ADAM33: variants seen among roughly 807,000 people sequenced by gnomAD.
ADAM33 encodes ADAM metallopeptidase domain 33, also known as disintegrin and metalloproteinase domain-containing protein 33.
In ADAM33, 103 loss-of-function variants were observed where a neutral mutation model predicts 106.2. The ratio of observed to expected loss-of-function variants is 0.97; its 90% confidence interval spans 0.83 to 1.14. The LOEUF (loss-of-function observed/expected upper bound fraction) is 1.14, where lower values mean the gene tolerates loss of function less well. Among genes scored for constraint, ADAM33 ranks in the 50% most tolerant of loss-of-function variants. The probability of loss-of-function intolerance (pLI) is 0.00; values close to 1 mark genes in which losing one functional copy is unlikely to be tolerated. For synonymous variants in ADAM33, 483 were observed against 453.0 expected (o/e 1.07, Z -0.84); for missense variants, 1,120 against 1,096.6 (o/e 1.02, Z -0.30).
At position 3,673,410 on chromosome 20, in the gene ADAM33, GC is replaced by G; in HGVS notation, c.1076del (p.Gly359AlafsTer110). 1 of 1,559,466 alleles carries G rather than the reference GC, an allele frequency of 6.4e-7. No homozygotes were observed. Among genetic ancestry groups the G allele is most frequent in the Non-Finnish European group, 8.6e-7 (1 of 1,159,632 alleles). ...HSLGLSHDPD[G>X]CCVEAAAESG... is the part of the protein sequence containing the mutation. ...ACTCGGCCGCAGCCTCCACGCAGCAGCCGTCGGGGTCGTGGCTGAGGCCGAG... is the reference window on the plus strand; with the variant it reads ...ACTCGGCCGCAGCCTCCACGCAGCAGCGTCGGGGTCGTGGCTGAGGCCGAG... On this transcript the variant is annotated frameshift_variant, in exon 11 of 22. Transcript: ENST00000356518. LOFTEE classifies it high-confidence loss of function.
At position 3,671,672 on chromosome 20, in the gene ADAM33, G is replaced by A; in HGVS notation, c.1814C>T (p.Thr605Ile). The A allele has an allele frequency of 6.3e-7, 1 of 1,584,202 alleles. No homozygotes were observed. The highest frequency in any genetic ancestry group is 8.6e-7 in the Non-Finnish European group (1 of 1,164,690). The part of the protein sequence containing the change: ...STVHLDGQEV[T>I]CRGALALPSA... ...GGGGAGTGCCAAGGCTCCCCGACAA[G>A]TCACTTCCTGGCCATCTAGGTGAAC... is the stretch of plus-strand genomic sequence containing the variant. Residue 605 changes from threonine to isoleucine, a missense_variant, in exon 16 of 22, where the codon ACT (threonine) becomes ATT (isoleucine). Coordinates refer to ENST00000356518, the MANE Select transcript of ADAM33 (RefSeq NM_025220.5).
In ADAM33 at chr20:3,669,222, G is replaced by A. The variant is rs1033035267; in HGVS notation, c.2404+77C>T. The A allele has an allele frequency of 1.4e-5, 18 of 1,281,284 alleles. No homozygotes were observed. The African/African-American group carries it at 1.8e-4, about 13-fold the overall frequency. The allele number at this position is 1,281,284 out of a possible 1,614,324, so 79.4% of individuals were successfully genotyped here. On this transcript the variant is annotated intron_variant, in intron 21 of 21. Transcript: ENST00000356518. ...CTGAGCCCAGAAACCTGATTAGGGG[G>A]CAGCAAACTGAGGGGTGGGAGAGGT...
intron 12 of ADAM33, 25 bp downstream of exon 12, chr20:3,672,696 T>A (rs752286683): frequency 6.3e-7 from 1 of 1,592,332 alleles, no homozygotes; most frequent in African/African-American, 1.3e-5. Context: ...AGAGGGCAAG[T>A]GGGGGCCGGG....
chr20:3,673,797 A>G lies in ADAM33; in HGVS notation c.853T>C (p.Trp285Arg). The change falls in exon 9 of 22, where the codon TGG (tryptophan) becomes CGG (arginine). Residue 285 changes from tryptophan (W) to arginine (R), a missense_variant. Trp to Arg is a moderately radical substitution (Grantham distance 101, BLOSUM62 -3). Transcript: ENST00000356518. Reference sequence around the variant, plus strand: ...CGCTGCGCCCACAGCCCCCGGCGCCACTGCAGGAAGGCCCAGAGCGTGGCG... The same window carrying G: ...CGCTGCGCCCACAGCCCCCGGCGCCGCTGCAGGAAGGCCCAGAGCGTGGCG... Reference protein sequence around the residue: ...ANATLWAFLQWRRGLWAQRPH... With the variant: ...ANATLWAFLQRRRGLWAQRPH... 2 of 1,539,820 alleles carry G rather than the reference A, an allele frequency of 1.3e-6. No individual in the cohort carries two copies. The highest frequency in any genetic ancestry group is 1.7e-6 in the Non-Finnish European group (2 of 1,148,940).
intron 1 of ADAM33, among the ~76,000 whole-genome samples, chr20:3,679,917 A>C (rs1285302851): frequency 6.6e-6 from 1 of 152,196 alleles, no homozygotes. Context: ...AGAGCGCGGC[A>C]GCCTTAGGGA....
intron 1 of ADAM33, 52 bp from the exon 2 acceptor site, chr20:3,679,623 A>C: frequency 6.6e-7 from 1 of 1,523,586 alleles, no homozygotes. Flanking sequence ...ACACAGGGGC[A>C]TGGGACAAAG....
intron 7 of ADAM33, 24 bp from the exon 8 acceptor site, chr20:3,674,159 G>A: frequency 6.2e-7 from 1 of 1,614,200 alleles, no homozygotes; most frequent in African/African-American, 1.3e-5. Context: ...AATCCCGGTG[G>A]CTTGAGGGGC....
At position 3,673,354 on chromosome 20, in the gene ADAM33, C is replaced by T. The variant is rs1467348268; in HGVS notation, c.1133G>A (p.Gly378Glu). 19 of 1,538,646 alleles carry T rather than the reference C, an allele frequency of 1.2e-5. No individual in the cohort carries two copies. In the Admixed American group the frequency reaches 3.5e-4, roughly 28 times the overall value. ...SGGCVMAAAT[G>E]HPFPRVFSAC... ...CAGCCCCGACCCCCCACCCGCGTAC[C>T]CGGTGGCCGCAGCCATGACGCAGCC... The change falls in exon 11 of 22, where the codon GGG (glycine) becomes GAG (glutamate). Residue 378 changes from glycine (G) to glutamate (E), a missense_variant and splice_region_variant. Coordinates refer to ENST00000356518, the MANE Select transcript of ADAM33 (RefSeq NM_025220.5).
In ADAM33 at chr20:3,672,251, G is replaced by A; in HGVS notation, c.1480C>T (p.His494Tyr). Residue 494 changes from histidine (H) to tyrosine (Y), a missense_variant, in exon 14 of 22, where the codon CAC becomes TAC. By Grantham distance (83) the His-to-Tyr change is moderately conservative. Coordinates refer to ENST00000356518, the MANE Select transcript of ADAM33 (RefSeq NM_025220.5). The stretch of plus-strand genomic sequence containing the variant: ...AGTAGGTAAACGTCTGGGGGACAGT[G>A]GGAGGAGGTGCCCGTGCAAAACTCA... The part of the protein sequence containing the change: ...LPEFCTGTSS[H>Y]CPPDVYLLDG... 1 of 1,613,422 alleles carries A rather than the reference G, an allele frequency of 6.2e-7. No homozygotes were observed. The highest frequency in any genetic ancestry group is 8.5e-7 in the Non-Finnish European group (1 of 1,180,024).
In ADAM33 at chr20:3,673,446, G is replaced by T. The variant is rs780563935; in HGVS notation, c.1041C>A (p.Ile347=). The T allele has an allele frequency of 1.9e-6, 3 of 1,578,462 alleles. No individual in the cohort carries two copies. The highest frequency in any genetic ancestry group is 2.6e-6 in the Non-Finnish European group (3 of 1,167,966). The change falls in exon 11 of 22, where the codon ATC becomes ATA. Residue 347 remains isoleucine, a synonymous_variant. Coordinates refer to ENST00000356518, the MANE Select transcript of ADAM33 (RefSeq NM_025220.5). ...IGAAATMAHE[I]GHSLGLSHDP... Reference sequence around the variant, plus strand: ...CGTGGCTGAGGCCGAGGCTGTGGCCGATCTCATGGGCCATGGTGGCTGCGG... The same window carrying T: ...CGTGGCTGAGGCCGAGGCTGTGGCCTATCTCATGGGCCATGGTGGCTGCGG...
At chr20:3,669,518 C>T (rs2087388778) in intron 20 of ADAM33, 28 bp downstream of exon 20, 4 of 1,556,268 alleles carry the variant, frequency 2.6e-6, no homozygotes, top group African/African-American at 2.7e-5. Context: ...TCCCTTCCCT[C>T]TCCACCTCCC....
At chr20:3,672,037 G>T (rs182589256) in intron 14 of ADAM33, 52 bp from the exon 15 acceptor site, 1 of 1,554,580 alleles carries the variant, frequency 6.4e-7, no homozygotes, top group South Asian at 1.2e-5. Context: ...GCTGCGCTCA[G>T]CGGGCCTCAG....
At chr20:3,670,016 C>T (rs1053109282) in intron 19 of ADAM33, 2 of 417,070 alleles carry the variant, frequency 4.8e-6, no homozygotes, top group Non-Finnish European at 9.0e-6. Context: ...CTTGATGATT[C>T]CAAGCCATCT....
rs1339388543 is a variant in ADAM33 at position 3,672,227 on chromosome 20, G to A, written c.1504C>T (p.Leu502=). The A allele has an allele frequency of 1.2e-6, 2 of 1,613,466 alleles. No homozygotes were observed. Among genetic ancestry groups the A allele is most frequent in the Admixed American group, 3.3e-5 (2 of 60,034 alleles). ...CCCCTGGCACAGGGTGAGCCGTCCA[G>A]TAGGTAAACGTCTGGGGGACAGTGG... is the stretch of plus-strand genomic sequence containing the variant. ...SSHCPPDVYL[L]DGSPCARGSG... is the part of the protein sequence containing the mutation. The change falls in exon 14 of 22, where the codon CTG becomes TTG. Residue 502 remains leucine (L), a synonymous_variant. Coordinates refer to ENST00000356518, the MANE Select transcript of ADAM33 (RefSeq NM_025220.5).
intron 2 of ADAM33, among the ~76,000 whole-genome samples, chr20:3,679,136 CT>C (rs778392877): frequency 0.021 from 1,605 of 78,210 alleles, 29 homozygotes; most frequent in African/African-American, 0.058. Context: ...CTTTTTGGTG[CT>C]TTTTTTTTTT....
intron 2 of ADAM33, among the ~76,000 whole-genome samples, chr20:3,679,041 G>A (rs947296215): frequency 1.3e-5 from 2 of 152,026 alleles, no homozygotes; most frequent in Non-Finnish European, 2.9e-5. Flanking sequence ...GAGGCTGAAG[G>A]TTCAGGCCTT....
Position 3,671,636 on chromosome 20 carries a change from A to G in ADAM33, c.1850T>C (p.Leu617Pro). 3.2e-6 allele frequency: 5 copies of G among 1,580,486 alleles called. No individual in the cohort carries two copies. Among genetic ancestry groups the G allele is most frequent in the East Asian group, 2.3e-5 (1 of 42,674 alleles). The change falls in exon 16 of 22, where the codon CTG (leucine) becomes CCG (proline). Residue 617 changes from leucine to proline, a missense_variant. Transcript: ENST00000356518. ...RGALALPSAQLDLLGLGLVEP... is the reference protein window; with the variant it reads ...RGALALPSAQPDLLGLGLVEP... ...TACCAGGCCCAGGCCAAGCAGGTCC[A>G]GCTGGGCACTGGGGAGTGCCAAGGC...
chr20:3,676,764 AG>A (rs1371785844), intron 3 of ADAM33, among the ~76,000 whole-genome samples: 1 of 151,994 alleles, frequency 6.6e-6, no homozygotes, highest in Non-Finnish European at 1.5e-5. Flanking sequence ...TTTTCCCTCT[AG>A]GATTTCTTTA....
chr20:3,678,050 C>T (rs1170597059), intron 2 of ADAM33, among the ~76,000 whole-genome samples: 1 of 152,248 alleles, frequency 6.6e-6, no homozygotes, highest in Non-Finnish European at 1.5e-5. Flanking sequence ...AAGTGGGGAG[C>T]AGATGGTCCT....
Sources: allele counts gnomAD v4.1 joint callset (sites outside exome capture counted in the v4.1 genomes callset), GRCh38; gene constraint gnomAD v4.1.1; transcripts MANE v1.5; gene names NCBI Gene and HGNC (gene_info 2026-07-23, HGNC 2026-07-21).